Variants in ZMAT3 observed in about 807,000 individuals in gnomAD.
ZMAT3 encodes zinc finger matrin-type 3.
In ZMAT3, 17 loss-of-function variants were observed where a neutral mutation model predicts 32.3. The ratio of observed to expected loss-of-function variants is 0.53; its 90% confidence interval spans 0.36 to 0.79. ZMAT3 has a LOEUF of 0.79. ZMAT3 is among the 30% of genes least tolerant of loss of function. The probability of loss-of-function intolerance (pLI) is 0.00; values close to 1 mark genes in which losing one functional copy is unlikely to be tolerated. For synonymous variants in ZMAT3, 120 were observed against 133.1 expected (o/e 0.90, Z 0.68); for missense variants, 329 against 359.7 (o/e 0.91, Z 0.69).
chr3:179,036,229 C>T (rs1719580609), intron 2 of ZMAT3, among the ~76,000 whole-genome samples: 2 of 152,150 alleles, frequency 1.3e-5, no homozygotes, highest in African/African-American at 4.8e-5. Flanking sequence ...ATCCTAGACA[C>T]TACAACATAG....
rs200945907 is a variant in ZMAT3 at position 179,067,732 on chromosome 3, G to A, written c.21C>T (p.Ala7=). The change falls in exon 2 of 6, where the codon GCC becomes GCT. Residue 7 remains alanine, a synonymous_variant. Coordinates refer to ENST00000311417, the MANE Select transcript of ZMAT3 (RefSeq NM_022470.4). ...AGGGCTGCTTAGGTGGAGGAAGCAC[G>A]GCGTGTTGCAAGAGGATCATTGGGT... MILLQH[A]VLPPPKQPSP... 747 of 1,614,104 alleles carry A rather than the reference G, an allele frequency of 4.6e-4. 8 individuals carry two copies. In the South Asian group the frequency reaches 6.4e-3, roughly 14 times the overall value.
chr3:179,038,851 C>T (rs1719747615), intron 2 of ZMAT3, among the ~76,000 whole-genome samples: 1 of 152,232 alleles, frequency 6.6e-6, no homozygotes, highest in Admixed American at 6.5e-5. Flanking sequence ...CAGGACACTT[C>T]TGCCCAAATA....
intron 2 of ZMAT3, among the ~76,000 whole-genome samples, chr3:179,062,347 A>G (rs1721191686): frequency 1.3e-5 from 2 of 152,210 alleles, no homozygotes; most frequent in South Asian, 4.1e-4. Flanking sequence ...GAAGGGATTA[A>G]AAGTAAACAG....
chr3:179,071,154 TG>T (rs1309748673), intron 1 of ZMAT3, among the ~76,000 whole-genome samples: 1 of 152,180 alleles, frequency 6.6e-6, no homozygotes, highest in East Asian at 1.9e-4. Flanking sequence ...CGCAGAAAAC[TG>T]GGGAAGAGGC....
At chr3:179,068,918 C>A (rs1009735353) in intron 1 of ZMAT3, among the ~76,000 whole-genome samples, 1 of 152,166 alleles carries the variant, frequency 6.6e-6, no homozygotes, top group Non-Finnish European at 1.5e-5. Context: ...CTATATGGGA[C>A]GCAATTAGCT....
intron 2 of ZMAT3, among the ~76,000 whole-genome samples, chr3:179,055,511 C>T (rs960528704): frequency 6.6e-6 from 1 of 150,482 alleles, no homozygotes; most frequent in Non-Finnish European, 1.5e-5. Flanking sequence ...AATAAGGACC[C>T]CCCTTTAACC....
chr3:179,029,090 G>C (rs903077921), intron 3 of ZMAT3, among the ~76,000 whole-genome samples: 24 of 151,868 alleles, frequency 1.6e-4, no homozygotes, highest in Admixed American at 1.3e-3. Context: ...AAACCCAGGA[G>C]GCGGAGGTTG....
chr3:179,050,115 A>C (rs1018527344), intron 2 of ZMAT3, among the ~76,000 whole-genome samples: 5 of 151,962 alleles, frequency 3.3e-5, no homozygotes, highest in African/African-American at 1.2e-4. Flanking sequence ...GAAGAAAAGA[A>C]ATAGTCAAGA....
intron 2 of ZMAT3, among the ~76,000 whole-genome samples, chr3:179,031,678 G>A (rs987255651): frequency 2.0e-5 from 3 of 152,040 alleles, no homozygotes; most frequent in African/African-American, 7.2e-5. Context: ...AGGCCAAGGA[G>A]GGTGGATGAC....
intron 2 of ZMAT3, among the ~76,000 whole-genome samples, chr3:179,061,013 G>A (rs986924972): frequency 2.0e-5 from 3 of 151,022 alleles, no homozygotes; most frequent in African/African-American, 7.3e-5. Context: ...TTTTAGAAAC[G>A]CAAGGGCTCA....
rs1718546078 is a variant in ZMAT3, at chr3:179,021,639, G to A, written c.*3378C>T. 6.6e-6 allele frequency: 1 copy of A among 152,088 alleles called. No individual in the cohort carries two copies. Among genetic ancestry groups the A allele is most frequent in the South Asian group, 2.1e-4 (1 of 4,826 alleles). The allele number at this position is 152,088 out of a possible 1,614,324, so 9.4% of individuals were successfully genotyped here. On this transcript the variant is annotated 3_prime_UTR_variant, in exon 6 of 6. Transcript: ENST00000311417. ...CTAACATAATTCCTGGGGAGCACAAGGTGCAAATCCTAAAGTATGTTACAG... is the reference window on the plus strand; with the variant it reads ...CTAACATAATTCCTGGGGAGCACAAAGTGCAAATCCTAAAGTATGTTACAG...
chr3:179,018,596 T>C lies in ZMAT3; in HGVS notation c.*6421A>G, dbSNP rs528891750. On this transcript the variant is annotated 3_prime_UTR_variant, in exon 6 of 6. Transcript: ENST00000311417. The stretch of plus-strand genomic sequence containing the variant: ...TTCAATTCTGATTCAATTCTACCCA[T>C]TGAATCTTCATGACCTGGAGAAAGT... 2.6e-4 allele frequency: 39 copies of C among 151,468 alleles called. No individual in the cohort carries two copies. The highest frequency in any genetic ancestry group is 8.8e-4 in the African/African-American group (36 of 41,026). 9.4% of individuals were successfully genotyped at this position (151,468 alleles called of 1,614,324 possible).
intron 2 of ZMAT3, among the ~76,000 whole-genome samples, chr3:179,059,723 T>C (rs972034416): frequency 6.6e-6 from 1 of 152,108 alleles, no homozygotes; most frequent in Non-Finnish European, 1.5e-5. Flanking sequence ...AGAGGAAATC[T>C]CAACTGCACA....
At chr3:179,032,962 C>T (rs534447822) in intron 2 of ZMAT3, among the ~76,000 whole-genome samples, 34 of 152,314 alleles carry the variant, frequency 2.2e-4, no homozygotes, top group African/African-American at 7.7e-4. Context: ...CCTCTCTGCC[C>T]GGCCGCCACC....
intron 2 of ZMAT3, among the ~76,000 whole-genome samples, chr3:179,055,527 G>A (rs908496692): frequency 2.1e-5 from 3 of 139,664 alleles, no homozygotes; most frequent in Non-Finnish European, 3.0e-5. Context: ...TAACCCAAAC[G>A]GTCCAAAAGG....
At position 179,024,603 on chromosome 3, in the gene ZMAT3, G is replaced by T. The variant is rs1718755880; in HGVS notation, c.*414C>A. On this transcript the variant is annotated 3_prime_UTR_variant, in exon 6 of 6. Transcript: ENST00000311417. ...AAATCTCTGCCAACCTATTTTTACT[G>T]TGATCTAAAAAGAATTCAGTACAAT... The T allele has an allele frequency of 1.8e-5, 3 of 166,254 alleles. No individual in the cohort carries two copies. Among genetic ancestry groups the T allele is most frequent in the Admixed American group, 1.7e-4 (3 of 17,826 alleles). 10.3% of individuals were successfully genotyped at this position (166,254 alleles called of 1,614,324 possible). A position where few individuals can be genotyped will look rare whatever the true frequency, so the allele number is the denominator to read the frequency against.
intron 2 of ZMAT3, among the ~76,000 whole-genome samples, chr3:179,032,963 G>C (rs184913486): frequency 3.9e-5 from 6 of 151,946 alleles, no homozygotes; most frequent in Non-Finnish European, 5.9e-5. Flanking sequence ...CTCTCTGCCC[G>C]GCCGCCACCC....
intron 2 of ZMAT3, among the ~76,000 whole-genome samples, chr3:179,032,608 C>T (rs940793121): frequency 2.5e-4 from 38 of 151,520 alleles, no homozygotes; most frequent in African/African-American, 9.0e-4. Flanking sequence ...GCACCTCTGC[C>T]CCGCCGCCCC....
chr3:179,050,860 T>C (rs1457269603), intron 2 of ZMAT3, among the ~76,000 whole-genome samples: 1 of 152,176 alleles, frequency 6.6e-6, no homozygotes, highest in East Asian at 1.9e-4. Context: ...TGTGATACAC[T>C]ACATAAAAGA....
Sources: allele counts gnomAD v4.1 joint callset (sites outside exome capture counted in the v4.1 genomes callset), GRCh38; gene constraint gnomAD v4.1.1; transcripts MANE v1.5; gene names NCBI Gene and HGNC (gene_info 2026-07-23, HGNC 2026-07-21).